SYT17: variants seen among roughly 807,000 people sequenced by gnomAD.
SYT17 encodes synaptotagmin 17.
Under a neutral mutation model 46.7 loss-of-function variants are expected in SYT17, and 22 were observed. That is an observed-to-expected ratio of 0.47 (90% CI 0.34 to 0.67). The LOEUF is 0.67. Among genes scored for constraint, SYT17 ranks in the 30% least tolerant of loss-of-function variants. SYT17 has a pLI of 0.01. For missense variants in SYT17, 519 were observed against 612.8 expected, an observed-to-expected ratio of 0.85 and a Z score of 1.62; for synonymous variants, 251 against 248.4, an observed-to-expected ratio of 1.01 and a Z score of -0.10.
At chr16:19,210,483 T>A (rs1224390099) in intron 5 of SYT17, among the ~76,000 whole-genome samples, 1 of 117,052 alleles carries the variant, frequency 8.5e-6, no homozygotes. Flanking sequence ...TATTTTTTTT[T>A]AAAGGGTATT....
In SYT17 at chr16:19,258,759, AAC is replaced by A. The variant is rs141154389; in HGVS notation, c.1229-8117_1229-8116del. 3.2e-3 allele frequency among the ~76,000 whole-genome samples: 495 copies of A among 152,328 alleles called. 1 individual carries two copies. Among genetic ancestry groups the A allele is most frequent in the African/African-American group, 0.011 (475 of 41,560 alleles). ...TAGAGTGCCTAGGACAGCACCGCAAAACACAGAATGATCTGGCCCATAATGTC... is the reference window on the plus strand; with the variant it reads ...TAGAGTGCCTAGGACAGCACCGCAAAACAGAATGATCTGGCCCATAATGTC... On this transcript the variant is annotated intron_variant, in intron 7 of 7. Transcript: ENST00000355377.
rs1964630844 is a variant in SYT17 at position 19,183,316 on chromosome 16, TGCCTG to T, written c.332-209_332-205del. 6.6e-6 allele frequency among the ~76,000 whole-genome samples: 1 copy of T among 152,254 alleles called. No individual in the cohort carries two copies. The highest frequency in any genetic ancestry group is 2.1e-4 in the South Asian group (1 of 4,828). ...TAGTGTACACAGTCCATTAGAGCAG[TGCCTG>T]GCACTTAGCTGCTGTGATGATGGCA... On this transcript the variant is annotated intron_variant, in intron 4 of 7. Transcript: ENST00000355377. The surrounding 1 kb of genome is among the most constrained non-coding windows in gnomAD (Gnocchi z 5.6).
chr16:19,250,073 G>A, intron 7 of SYT17: 1 of 1,530,346 alleles, frequency 6.5e-7, no homozygotes, highest in Non-Finnish European at 8.7e-7. Flanking sequence ...AAAGTAGAAT[G>A]ATTGAGTTGG....
intron 7 of SYT17, among the ~76,000 whole-genome samples, chr16:19,249,378 A>G (rs1204622184): frequency 6.6e-6 from 1 of 152,226 alleles, no homozygotes; most frequent in Non-Finnish European, 1.5e-5. Flanking sequence ...AACTTGAGCC[A>G]GGGAGGGGAT....
chr16:19,267,155 T>A lies in SYT17; in HGVS notation c.*79T>A. On this transcript the variant is annotated 3_prime_UTR_variant, in exon 8 of 8. Transcript: ENST00000355377. ...AAAAAATGTGTCACATACTATTACA[T>A]CCACACCTGCATACACACTCGCAAC... 7.8e-7 allele frequency: 1 copy of A among 1,288,876 alleles called. No individual in the cohort carries two copies. The highest frequency in any genetic ancestry group is 1.0e-6 in the Non-Finnish European group (1 of 961,948). The allele number at this position is 1,288,876 out of a possible 1,614,324, so 79.8% of individuals were successfully genotyped here.
At chr16:19,169,561 T>C (rs953972912) in intron 1 of SYT17, among the ~76,000 whole-genome samples, 2 of 152,212 alleles carry the variant, frequency 1.3e-5, no homozygotes, top group African/African-American at 4.8e-5. Context: ...GGGGTGCTGC[T>C]GGTCCTCCCA....
chr16:19,251,994 G>A (rs915482517), intron 7 of SYT17, among the ~76,000 whole-genome samples: 3 of 151,972 alleles, frequency 2.0e-5, no homozygotes, highest in Admixed American at 2.0e-4. Context: ...CAGATCATTT[G>A]AGGTCAGGAG....
Position 19,242,514 on chromosome 16 carries a change from A to AT in SYT17, c.1228+17685dup, listed in dbSNP as rs897858263. Among the ~76,000 whole-genome samples, 571 of 150,806 alleles carry AT rather than the reference A, an allele frequency of 3.8e-3. 1 individual carries two copies. Among genetic ancestry groups the AT allele is most frequent in the African/African-American group, 0.013 (553 of 41,006 alleles). On this transcript the variant is annotated intron_variant, in intron 7 of 7. Transcript: ENST00000355377. The stretch of plus-strand genomic sequence containing the variant: ...CTATAGCAAGGAACTTAGATGATAC[A>AT]TTTTTTTTTAATTAAAAAAATTTTT...
intron 5 of SYT17, among the ~76,000 whole-genome samples, chr16:19,219,757 T>TC (rs938461014): frequency 5.3e-5 from 8 of 152,050 alleles, no homozygotes; most frequent in Non-Finnish European, 1.0e-4. Context: ...GTGCTATCCA[T>TC]CCCCCCCACA....
chr16:19,205,448 T>C (rs1965631644), intron 5 of SYT17, among the ~76,000 whole-genome samples: 1 of 151,748 alleles, frequency 6.6e-6, no homozygotes, highest in Non-Finnish European at 1.5e-5. Flanking sequence ...CTTTTTTTTT[T>C]TTTTCTTTTG....
intron 3 of SYT17, 74 bp from the exon 4 acceptor site, chr16:19,180,317 T>G: frequency 6.4e-7 from 1 of 1,562,848 alleles, no homozygotes. Context: ...TCGTGGGTCT[T>G]AACCCCCAAG....
intron 3 of SYT17, 171 bp from the exon 4 acceptor site, chr16:19,180,220 G>C (rs1840276935): frequency 1.6e-6 from 1 of 616,962 alleles, no homozygotes; most frequent in South Asian, 2.2e-5. Context: ...TGTGCAAAAA[G>C]CAAGACGTTG....
intron 7 of SYT17, among the ~76,000 whole-genome samples, chr16:19,261,344 C>T (rs969132596): frequency 2.6e-5 from 4 of 152,184 alleles, no homozygotes; most frequent in African/African-American, 9.7e-5. Flanking sequence ...ATTTACACTG[C>T]CTGCTAATTA....
At chr16:19,197,094 A>T (rs1965277186) in intron 5 of SYT17, among the ~76,000 whole-genome samples, 1 of 152,240 alleles carries the variant, frequency 6.6e-6, no homozygotes, top group South Asian at 2.1e-4. Flanking sequence ...CTTAATGAGA[A>T]ATCCCTCTTT....
At chr16:19,266,470 C>T (rs903950020) in intron 7 of SYT17, among the ~76,000 whole-genome samples, 2 of 152,224 alleles carry the variant, frequency 1.3e-5, no homozygotes, top group African/African-American at 4.8e-5. Context: ...TTTAATCGCT[C>T]AACTGGACTA....
chr16:19,233,938 G>C (rs1269509279), intron 7 of SYT17, among the ~76,000 whole-genome samples: 1 of 152,164 alleles, frequency 6.6e-6, no homozygotes, highest in African/African-American at 2.4e-5. Context: ...GCCTGACTTA[G>C]TGAGCACCAG....
At chr16:19,219,768 G>A (rs1009480802) in intron 5 of SYT17, among the ~76,000 whole-genome samples, 18 of 152,208 alleles carry the variant, frequency 1.2e-4, no homozygotes, top group Non-Finnish European at 7.3e-5. Flanking sequence ...CCCCCCCACA[G>A]GAGTGTATGT....
chr16:19,178,800 C>T (rs544415737), intron 3 of SYT17, among the ~76,000 whole-genome samples: 9 of 152,264 alleles, frequency 5.9e-5, no homozygotes, highest in South Asian at 2.1e-4. Flanking sequence ...AGTCTCAAAA[C>T]GACGTCACCA....
rs757161909 is a variant in SYT17 at position 19,266,943 on chromosome 16, C to G, written c.1292C>G (p.Ser431Cys). 28 of 1,613,722 alleles carry G rather than the reference C, an allele frequency of 1.7e-5. No homozygotes were observed. Among genetic ancestry groups the G allele is most frequent in the Non-Finnish European group, 2.2e-5 (26 of 1,179,978 alleles). The change falls in exon 8 of 8, where the codon TCT (serine) becomes TGT (cysteine). Residue 431 changes from serine to cysteine, a missense_variant. By Grantham distance (112) the Ser-to-Cys change is moderately radical. Transcript: ENST00000355377. The stretch of plus-strand genomic sequence containing the variant: ...GGGAGGATCGTCATTGGCCAGTACT[C>G]TTCAGGCCCCTCTGAGACCAACCAC... ...FIGRIVIGQY[S>C]SGPSETNHWR... is the part of the protein sequence containing the mutation.
Sources: allele counts gnomAD v4.1 joint callset (sites outside exome capture counted in the v4.1 genomes callset), GRCh38; gene constraint gnomAD v4.1.1; non-coding constraint Gnocchi (gnomAD v3.1); transcripts MANE v1.5; gene names NCBI Gene and HGNC (gene_info 2026-07-23, HGNC 2026-07-21).